The following MAML2 variants were observed in gnomAD, a reference collection of about 807,000 sequenced individuals.
MAML2 encodes mastermind-like protein 2.
Under a neutral mutation model 96.1 loss-of-function variants are expected in MAML2, and 22 were observed. That is an observed-to-expected ratio of 0.23 (90% confidence interval 0.16 to 0.33). The LOEUF is 0.33. MAML2 is among the 10% of genes least tolerant of loss of function. MAML2 has a pLI of 1.00. For missense variants in MAML2, 1,367 were observed against 1,392.4 expected, an observed-to-expected ratio of 0.98 and a Z score of 0.29; for synonymous variants, 561 against 521.3, an observed-to-expected ratio of 1.08 and a Z score of -1.04.
At chr11:96,320,760 C>A (rs1591131104) in intron 1 of MAML2, among the ~76,000 whole-genome samples, 1 of 152,084 alleles carries the variant, frequency 6.6e-6, no homozygotes, top group Non-Finnish European at 1.5e-5. Context: ...CAAATGAATG[C>A]CTGCTACAAC....
intron 1 of MAML2, among the ~76,000 whole-genome samples, chr11:96,152,476 T>C (rs1014879413): frequency 4.6e-5 from 7 of 152,336 alleles, no homozygotes; most frequent in Admixed American, 2.0e-4. Flanking sequence ...AAATATCATA[T>C]AGCACATGGC....
intron 2 of MAML2, among the ~76,000 whole-genome samples, chr11:96,025,778 G>A (rs972630949): frequency 7.2e-5 from 11 of 151,880 alleles, no homozygotes; most frequent in South Asian, 2.1e-4. Context: ...GGCCAGGATC[G>A]TCTCAATCTT....
intron 1 of MAML2, among the ~76,000 whole-genome samples, chr11:96,178,002 G>A: frequency 6.8e-6 from 1 of 146,812 alleles, no homozygotes; most frequent in African/African-American, 2.5e-5. Context: ...ATCCTGATGA[G>A]ATCTACAATT....
At chr11:96,266,602 G>A (rs950354708) in intron 1 of MAML2, among the ~76,000 whole-genome samples, 1 of 151,916 alleles carries the variant, frequency 6.6e-6, no homozygotes, top group Non-Finnish European at 1.5e-5. Context: ...ACATATTGGT[G>A]CGATTCTGAG....
intron 2 of MAML2, among the ~76,000 whole-genome samples, chr11:95,993,786 C>T (rs138027028): frequency 6.6e-6 from 1 of 152,278 alleles, no homozygotes; most frequent in African/African-American, 2.4e-5. Context: ...CAGAGCTCAC[C>T]AGCTGCCTCA....
chr11:96,336,104 A>G (rs533147710), intron 1 of MAML2, among the ~76,000 whole-genome samples: 1 of 152,320 alleles, frequency 6.6e-6, no homozygotes, highest in Non-Finnish European at 1.5e-5. Flanking sequence ...GATGCCAAGA[A>G]AATAACAAAA....
chr11:96,302,519 A>T (rs750738129), intron 1 of MAML2, among the ~76,000 whole-genome samples: 1 of 151,828 alleles, frequency 6.6e-6, no homozygotes, highest in Non-Finnish European at 1.5e-5. Context: ...TACTAAAGAA[A>T]CTCTCACTCC....
At chr11:96,126,349 G>A (rs1860437184) in intron 1 of MAML2, among the ~76,000 whole-genome samples, 1 of 152,206 alleles carries the variant, frequency 6.6e-6, no homozygotes, top group Non-Finnish European at 1.5e-5. Context: ...CCTGAGGTCA[G>A]GAGTTCCAGA....
chr11:96,190,899 A>G (rs1861643257), intron 1 of MAML2, among the ~76,000 whole-genome samples: 1 of 152,254 alleles, frequency 6.6e-6, no homozygotes, highest in Admixed American at 6.5e-5. Flanking sequence ...TTTCAATACT[A>G]GTCAATCAAT....
intron 1 of MAML2, among the ~76,000 whole-genome samples, chr11:96,284,957 G>A (rs1343534618): frequency 6.6e-6 from 1 of 152,056 alleles, no homozygotes; most frequent in Non-Finnish European, 1.5e-5. Flanking sequence ...TTGTTGAATT[G>A]TGCCGTATAT....
chr11:96,325,246 A>G (rs572057440), intron 1 of MAML2, among the ~76,000 whole-genome samples: 3 of 152,162 alleles, frequency 2.0e-5, no homozygotes, highest in African/African-American at 2.4e-5. Flanking sequence ...TGCCTCCTGC[A>G]TAGGTCCAGG....
intron 1 of MAML2, among the ~76,000 whole-genome samples, chr11:96,177,421 A>T (rs1163133687): frequency 1.3e-5 from 2 of 152,230 alleles, no homozygotes; most frequent in African/African-American, 4.8e-5. Context: ...ATTCCTTTTC[A>T]CAACATACGT....
At chr11:96,309,766 C>T (rs489401) in intron 1 of MAML2, among the ~76,000 whole-genome samples, 71,429 of 150,230 alleles carry the variant, frequency 0.48, 17,870 homozygotes, top group Non-Finnish European at 0.56. Flanking sequence ...GGTGCAGTCA[C>T]GGCTTACTGA....
At chr11:96,199,986 G>A (rs1240290438) in intron 1 of MAML2, among the ~76,000 whole-genome samples, 2 of 152,156 alleles carry the variant, frequency 1.3e-5, no homozygotes, top group South Asian at 2.1e-4. Context: ...TCACTTAACA[G>A]CATAAAGAAA....
chr11:95,991,674 T>A lies in MAML2; in HGVS notation c.2189A>T (p.Asn730Ile). ...TCCAGTGTTTGGATTTGAGCAGGGG[T>A]TAGGACTTGGACTGGGGCCTGTGTT... ...GQNTGPSPSP[N>I]PCSNPNTGSG... The change falls in exon 3 of 5, where the codon AAC (asparagine) becomes ATC (isoleucine). Residue 730 changes from asparagine (N) to isoleucine (I), a missense_variant. Physicochemically the swap from Asn to Ile is moderately radical, Grantham distance 149 (BLOSUM62 -3). Coordinates refer to ENST00000524717, the MANE Select transcript of MAML2 (RefSeq NM_032427.4). The A allele has an allele frequency of 6.2e-7, 1 of 1,613,536 alleles. No homozygotes were observed. Among genetic ancestry groups the A allele is most frequent in the Non-Finnish European group, 8.5e-7 (1 of 1,179,692 alleles).
chr11:95,993,842 G>T (rs1381345529), intron 2 of MAML2, among the ~76,000 whole-genome samples: 1 of 152,116 alleles, frequency 6.6e-6, no homozygotes, highest in African/African-American at 2.4e-5. Flanking sequence ...CATCCACTGA[G>T]GCTTATTATC....
intron 2 of MAML2, among the ~76,000 whole-genome samples, chr11:96,052,083 C>T (rs1858998545): frequency 6.6e-6 from 1 of 152,184 alleles, no homozygotes; most frequent in Non-Finnish European, 1.5e-5. Flanking sequence ...TCCTGTATTG[C>T]TTGCAAAATG....
At chr11:96,305,263 A>G (rs1863448074) in intron 1 of MAML2, among the ~76,000 whole-genome samples, 1 of 152,228 alleles carries the variant, frequency 6.6e-6, no homozygotes, top group Non-Finnish European at 1.5e-5. Flanking sequence ...ACTCTATGAT[A>G]ATATAATGAA....
chr11:96,183,397 C>CG, intron 1 of MAML2, among the ~76,000 whole-genome samples: 2 of 120,416 alleles, frequency 1.7e-5, no homozygotes, highest in South Asian at 3.0e-4. Context: ...CGTTCCTCCC[C>CG]CCCCCCCCTT....
Sources: gnomAD v4.1 joint callset for allele counts (sites outside exome capture counted in the v4.1 genomes callset) on GRCh38, gnomAD v4.1.1 for gene constraint, MANE v1.5 for transcripts, NCBI Gene and HGNC (gene_info 2026-07-23, HGNC 2026-07-21) for gene names.